The following NT5M variants were observed in gnomAD, a reference collection of about 807,000 sequenced individuals.
NT5M encodes 5'(3')-deoxyribonucleotidase, mitochondrial.
In NT5M, 22 loss-of-function variants were observed where a neutral mutation model predicts 22.2. The ratio of observed to expected loss-of-function variants is 0.99; its 90% CI spans 0.71 to 1.41. The LOEUF (loss-of-function observed/expected upper bound fraction) is 1.41, where lower values mean the gene tolerates loss of function less well. NT5M is among the 40% of genes most tolerant of loss of function. The pLI, the probability that NT5M is intolerant of heterozygous loss-of-function variation, is 0.00. For missense variants in NT5M, 322 were observed against 314.8 expected (o/e 1.02, Z -0.17); for synonymous variants, 167 against 133.0 (o/e 1.26, Z -1.76).
intron 2 of NT5M, among the ~76,000 whole-genome samples, chr17:17,315,729 G>A (rs921549851): frequency 5.6e-5 from 8 of 142,004 alleles, no homozygotes; most frequent in African/African-American, 2.1e-4. Flanking sequence ...AGAGATTGAT[G>A]TGATCTAACT....
At chr17:17,309,425 T>C (rs2048877955) in intron 2 of NT5M, among the ~76,000 whole-genome samples, 1 of 152,198 alleles carries the variant, frequency 6.6e-6, no homozygotes, top group African/African-American at 2.4e-5. Context: ...CTTTTGAGAA[T>C]ATACCTAGGA....
At position 17,315,854 on chromosome 17, in the gene NT5M, A is replaced by T. The variant is rs1052202061; in HGVS notation, c.369-7331A>T. ...ACTGCAAGCTCCGCCTCCCGGGTTC[A>T]TGCTGTTCTGCCTCAGCCTCCCAAG... On this transcript the variant is annotated intron_variant, in intron 2 of 4. Coordinates refer to ENST00000389022, the MANE Select transcript of NT5M (RefSeq NM_020201.4). Among the ~76,000 whole-genome samples, 5 of 141,562 alleles carry T rather than the reference A, an allele frequency of 3.5e-5. No homozygotes were observed. In the Admixed American group the frequency reaches 4.0e-4, roughly 11 times the overall value. The allele number at this position is 141,562 out of a possible 152,430, so 92.9% of individuals were successfully genotyped here. A position where few individuals can be genotyped will look rare whatever the true frequency, so the allele number is the denominator to read the frequency against.
At chr17:17,311,492 A>G (rs2048922020) in intron 2 of NT5M, among the ~76,000 whole-genome samples, 1 of 152,156 alleles carries the variant, frequency 6.6e-6, no homozygotes, top group Admixed American at 6.6e-5. Flanking sequence ...TGAAAAGACT[A>G]CTTTTTTCCC....
intron 2 of NT5M, among the ~76,000 whole-genome samples, chr17:17,318,095 T>A (rs997787592): frequency 2.0e-5 from 3 of 151,680 alleles, no homozygotes; most frequent in African/African-American, 7.3e-5. Flanking sequence ...CCAGCAACAC[T>A]ATTCACAGCA....
At chr17:17,316,438 T>C (rs949006272) in intron 2 of NT5M, among the ~76,000 whole-genome samples, 1 of 151,562 alleles carries the variant, frequency 6.6e-6, no homozygotes, top group Admixed American at 6.6e-5. Flanking sequence ...TGCAATGGCA[T>C]GATCTTGGCT....
At chr17:17,331,923 G>GCGCCCAAGTA in intron 3 of NT5M, among the ~76,000 whole-genome samples, 1 of 151,330 alleles carries the variant, frequency 6.6e-6, no homozygotes, top group Non-Finnish European at 1.5e-5. Context: ...TGGGACTACA[G>GCGCCCAAGTA]GCGCCCACCA....
intron 1 of NT5M, among the ~76,000 whole-genome samples, chr17:17,305,654 G>A (rs1165834905): frequency 6.6e-6 from 1 of 152,050 alleles, no homozygotes. Flanking sequence ...CAGAACAGCT[G>A]GTAGAGGCAC....
chr17:17,318,028 G>A (rs2049069443), intron 2 of NT5M, among the ~76,000 whole-genome samples: 2 of 150,440 alleles, frequency 1.3e-5, no homozygotes, highest in Non-Finnish European at 3.0e-5. Context: ...CAACTCATAG[G>A]TGTATATCCA....
At chr17:17,305,981 T>G (rs1567877516) in intron 1 of NT5M, among the ~76,000 whole-genome samples, 1 of 152,096 alleles carries the variant, frequency 6.6e-6, no homozygotes. Flanking sequence ...AGCAGCAGAA[T>G]CCTTTTTTTA....
At chr17:17,313,162 C>T (rs940722815) in intron 2 of NT5M, among the ~76,000 whole-genome samples, 4 of 151,934 alleles carry the variant, frequency 2.6e-5, no homozygotes. Context: ...CCTGTAATCC[C>T]AGCTACTCAG....
At chr17:17,313,905 G>A (rs761703328) in intron 2 of NT5M, among the ~76,000 whole-genome samples, 4 of 152,202 alleles carry the variant, frequency 2.6e-5, no homozygotes, top group Non-Finnish European at 4.4e-5. Context: ...TTTGTGGCAC[G>A]TCCTGCCCTG....
Position 17,308,562 on chromosome 17 carries a change from A to G in NT5M, c.368+1919A>G, listed in dbSNP as rs563285505. Among the ~76,000 whole-genome samples, 1,388 of 152,236 alleles carry G rather than the reference A, an allele frequency of 9.1e-3. 11 individuals carry two copies. The highest frequency in any genetic ancestry group is 0.012 in the Non-Finnish European group (829 of 68,008). ...AGCCAAGATTGCACCATTGCACTCC[A>G]GCCTGGGCAACAGAGTGAAACTCTG... On this transcript the variant is annotated intron_variant, in intron 2 of 4. Transcript: ENST00000389022.
At position 17,306,608 on chromosome 17, in the gene NT5M, C is replaced by G; in HGVS notation, c.333C>G (p.Ala111=). Residue 111 remains alanine, a synonymous_variant, in exon 2 of 5, where the codon GCC becomes GCG. Coordinates refer to ENST00000389022, the MANE Select transcript of NT5M (RefSeq NM_020201.4). ...FFFELEPLPG[A]VEAVKEMASL... Reference sequence around the variant, plus strand: ...TTGAACTTGAGCCTCTGCCAGGGGCCGTGGAAGCTGTCAAGGAGATGGCCA... The same window carrying G: ...TTGAACTTGAGCCTCTGCCAGGGGCGGTGGAAGCTGTCAAGGAGATGGCCA... 1 of 1,613,982 alleles carries G rather than the reference C, an allele frequency of 6.2e-7. No homozygotes were observed. Among genetic ancestry groups the G allele is most frequent in the African/African-American group, 1.3e-5 (1 of 75,024 alleles).
At position 17,323,121 on chromosome 17, in the gene NT5M, G is replaced by T. The variant is rs186421501; in HGVS notation, c.369-64G>T. On this transcript the variant is annotated intron_variant, in intron 2 of 4. Transcript: ENST00000389022. ...CAGCCCTGTGAAGGCAGGGCAGGTG[G>T]TGAAGGCCTCGGGGTGGTGAAGTCA... 2.2e-6 allele frequency: 3 copies of T among 1,358,058 alleles called. No individual in the cohort carries two copies. In the African/African-American group the frequency reaches 4.3e-5, roughly 19 times the overall value. The allele number at this position is 1,358,058 out of a possible 1,614,324, so 84.1% of individuals were successfully genotyped here. A position where few individuals can be genotyped will look rare whatever the true frequency, so the allele number is the denominator to read the frequency against.
At chr17:17,318,183 A>G (rs1471367215) in intron 2 of NT5M, among the ~76,000 whole-genome samples, 1 of 151,468 alleles carries the variant, frequency 6.6e-6, no homozygotes, top group Non-Finnish European at 1.5e-5. Flanking sequence ...TTCAGCTATA[A>G]AAAGGAATGA....
intron 2 of NT5M, among the ~76,000 whole-genome samples, chr17:17,321,187 A>C (rs1451941006): frequency 6.6e-6 from 1 of 151,906 alleles, no homozygotes. Context: ...ACGTGTTTGA[A>C]TGAGGAGTCA....
intron 3 of NT5M, among the ~76,000 whole-genome samples, chr17:17,344,053 C>T (rs1268142258): frequency 3.3e-5 from 5 of 152,176 alleles, no homozygotes; most frequent in Non-Finnish European, 5.9e-5. Flanking sequence ...GAAAGGATGC[C>T]GAGAGCCCAC....
intron 2 of NT5M, among the ~76,000 whole-genome samples, chr17:17,315,123 T>C (rs915802834): frequency 5.4e-5 from 8 of 149,336 alleles, no homozygotes; most frequent in Non-Finnish European, 1.0e-4. Context: ...ACAGTAATTG[T>C]TGATTTAAAA....
At chr17:17,306,123 G>A (rs1480323232) in intron 1 of NT5M, among the ~76,000 whole-genome samples, 1 of 151,986 alleles carries the variant, frequency 6.6e-6, no homozygotes, top group Non-Finnish European at 1.5e-5. Flanking sequence ...GTCCCTCATG[G>A]CACCTTAAAG....
Sources: gnomAD v4.1 joint callset for allele counts (sites outside exome capture counted in the v4.1 genomes callset) on GRCh38, gnomAD v4.1.1 for gene constraint, MANE v1.5 for transcripts, NCBI Gene and HGNC (gene_info 2026-07-23, HGNC 2026-07-21) for gene names.